The following THSD4 variants were observed in gnomAD, a reference collection of about 807,000 sequenced individuals.
THSD4 encodes thrombospondin type 1 domain containing 4.
Under a neutral mutation model 119.0 loss-of-function variants are expected in THSD4, and 69 were observed. The ratio of observed to expected loss-of-function variants is 0.58; its 90% CI spans 0.48 to 0.71. The LOEUF (loss-of-function observed/expected upper bound fraction) is 0.71. Among genes scored for constraint, THSD4 ranks in the 30% least tolerant of loss-of-function variants. The pLI is 0.00. For synonymous variants in THSD4, 524 were observed against 540.4 expected, an observed-to-expected ratio of 0.97 and a Z score of 0.42; for missense variants, 1,393 against 1,391.1, an observed-to-expected ratio of 1.00 and a Z score of -0.02.
intron 4 of THSD4, among the ~76,000 whole-genome samples, chr15:71,228,351 CAG>C (rs1163152138): frequency 6.6e-6 from 1 of 152,156 alleles, no homozygotes; most frequent in Non-Finnish European, 1.5e-5. Flanking sequence ...GGCCAGGAAA[CAG>C]ATCCTCCCCC....
At chr15:71,424,011 C>T (rs1048573045) in intron 7 of THSD4, among the ~76,000 whole-genome samples, 3 of 152,100 alleles carry the variant, frequency 2.0e-5, no homozygotes, top group East Asian at 1.9e-4. Context: ...CTCCCAAAAG[C>T]GCTCCGACTC....
At chr15:71,306,840 T>C (rs552897186) in intron 6 of THSD4, among the ~76,000 whole-genome samples, 34 of 152,372 alleles carry the variant, frequency 2.2e-4, no homozygotes, top group African/African-American at 8.2e-4. Context: ...CTGTATGATA[T>C]GTGAAACATG....
chr15:71,374,965 C>T (rs984594379), intron 6 of THSD4, among the ~76,000 whole-genome samples: 2 of 152,090 alleles, frequency 1.3e-5, no homozygotes, highest in African/African-American at 4.8e-5. Context: ...AATCACCTGT[C>T]CTGCGGGTAT....
At chr15:71,473,280 A>C (rs2047609751) in intron 7 of THSD4, among the ~76,000 whole-genome samples, 1 of 151,626 alleles carries the variant, frequency 6.6e-6, no homozygotes, top group African/African-American at 2.4e-5. Context: ...CTGGTCTCCA[A>C]CTCCTGGGCT....
At chr15:71,326,207 C>G (rs571755315) in intron 6 of THSD4, among the ~76,000 whole-genome samples, 3 of 152,078 alleles carry the variant, frequency 2.0e-5, no homozygotes, top group African/African-American at 7.2e-5. Context: ...TTGGTTTCCT[C>G]GTTCACAATG....
intron 1 of THSD4, among the ~76,000 whole-genome samples, chr15:71,137,821 T>C (rs2040565239): frequency 6.6e-6 from 1 of 152,220 alleles, no homozygotes; most frequent in Non-Finnish European, 1.5e-5. Context: ...ATTGCACTGA[T>C]TGTAACAATT....
chr15:71,103,192 T>C (rs2040260678), intron 1 of THSD4, among the ~76,000 whole-genome samples: 3 of 152,104 alleles, frequency 2.0e-5, no homozygotes, highest in Admixed American at 2.0e-4. Flanking sequence ...TTATATTATT[T>C]TTGCGAGTCC....
Position 71,732,640 on chromosome 15 carries a change from T to G in THSD4, c.1630+1423T>G, listed in dbSNP as rs147668040. 4.0e-3 allele frequency: 611 copies of G among 152,198 alleles called. 10 individuals carry two copies. Among genetic ancestry groups the G allele is most frequent in the African/African-American group, 0.014 (592 of 41,510 alleles). 9.4% of individuals were successfully genotyped at this position (152,198 alleles called of 1,614,324 possible). A position where few individuals can be genotyped will look rare whatever the true frequency, so the allele number is the denominator to read the frequency against. On this transcript the variant is annotated intron_variant, in intron 10 of 17. Coordinates refer to ENST00000261862, the MANE Select transcript of THSD4 (RefSeq NM_024817.3). ...TTTGAATTCTCATGACAGAGGGAGG[T>G]ACTTGGAGGGAAGTACTATTATTAG...
At chr15:71,682,401 G>A (rs1044108166) in intron 8 of THSD4, among the ~76,000 whole-genome samples, 1 of 152,140 alleles carries the variant, frequency 6.6e-6, no homozygotes, top group African/African-American at 2.4e-5. Flanking sequence ...TGAAGAAATA[G>A]AACTTGATCA....
chr15:71,736,051 TTC>T (rs1206526025), intron 10 of THSD4, among the ~76,000 whole-genome samples: 3 of 139,226 alleles, frequency 2.2e-5, no homozygotes, highest in Non-Finnish European at 4.7e-5. Context: ...CTCTCTTGCT[TTC>T]TGTCTCTATC....
chr15:71,533,466 A>G (rs939300168), intron 7 of THSD4, among the ~76,000 whole-genome samples: 1 of 152,222 alleles, frequency 6.6e-6, no homozygotes, highest in African/African-American at 2.4e-5. Flanking sequence ...TTAGTTTTAT[A>G]ATTAAAGAGT....
intron 7 of THSD4, among the ~76,000 whole-genome samples, chr15:71,527,539 G>T (rs1243075680): frequency 6.6e-6 from 1 of 151,956 alleles, no homozygotes; most frequent in Non-Finnish European, 1.5e-5. Flanking sequence ...GTGCAAAAAG[G>T]TTGCAAACCA....
intron 6 of THSD4, among the ~76,000 whole-genome samples, chr15:71,290,875 C>CT (rs11438956): frequency 0.61 from 78,582 of 129,358 alleles, 23,630 homozygotes; most frequent in Middle Eastern, 0.75. Context: ...TCCTTTTTTC[C>CT]TTTTTTTTTT....
intron 7 of THSD4, among the ~76,000 whole-genome samples, chr15:71,493,661 A>G (rs2047960775): frequency 6.6e-6 from 1 of 152,208 alleles, no homozygotes; most frequent in Non-Finnish European, 1.5e-5. Flanking sequence ...GAGTGTGATT[A>G]GATTGCCCCA....
intron 5 of THSD4, among the ~76,000 whole-genome samples, chr15:71,253,291 T>G (rs192568489): frequency 2.6e-5 from 4 of 152,196 alleles, no homozygotes; most frequent in African/African-American, 9.6e-5. Flanking sequence ...TGTGTATGGA[T>G]GTAAGAGCAC....
intron 8 of THSD4, among the ~76,000 whole-genome samples, chr15:71,719,984 A>C: frequency 1.5e-5 from 2 of 133,876 alleles, no homozygotes; most frequent in African/African-American, 2.9e-5. Flanking sequence ...CCATCAAAAT[A>C]CTCTTTAACA....
intron 6 of THSD4, among the ~76,000 whole-genome samples, chr15:71,283,726 A>G (rs2044682638): frequency 6.6e-6 from 1 of 152,252 alleles, no homozygotes; most frequent in African/African-American, 2.4e-5. Flanking sequence ...GCTTTAACTC[A>G]TCACAAAGAT....
intron 7 of THSD4, among the ~76,000 whole-genome samples, chr15:71,632,129 C>A (rs2050642864): frequency 6.6e-6 from 1 of 152,220 alleles, no homozygotes; most frequent in African/African-American, 2.4e-5. Flanking sequence ...GTCCAGTGCT[C>A]ACTAATTATT....
intron 3 of THSD4, among the ~76,000 whole-genome samples, chr15:71,199,833 T>TG (rs1427370939): frequency 1.4e-5 from 2 of 147,610 alleles, no homozygotes; most frequent in South Asian, 2.2e-4. Flanking sequence ...GTGGGGTGTG[T>TG]GTGTGTGTGC....
Sources: gnomAD v4.1 joint callset for allele counts (sites outside exome capture counted in the v4.1 genomes callset) on GRCh38, gnomAD v4.1.1 for gene constraint, MANE v1.5 for transcripts, NCBI Gene and HGNC (gene_info 2026-07-23, HGNC 2026-07-21) for gene names.